Variants in KSR2 observed in about 807,000 individuals in gnomAD.
KSR2 encodes kinase suppressor of ras 2.
KSR2 carries 25 observed loss-of-function variants against 107.8 expected under a neutral mutation model. The ratio of observed to expected loss-of-function variants is 0.23; its 90% CI spans 0.17 to 0.32. KSR2 has a LOEUF of 0.32. Among genes scored for constraint, KSR2 ranks in the 10% least tolerant of loss-of-function variants. The pLI is 1.00. For synonymous variants in KSR2, 480 were observed against 507.0 expected (o/e 0.95, Z 0.71); for missense variants, 887 against 1,268.9 (o/e 0.70, Z 4.57).
intron 3 of KSR2, among the ~76,000 whole-genome samples, chr12:117,805,756 C>A (rs1890987738): frequency 6.6e-6 from 1 of 152,132 alleles, no homozygotes; most frequent in Non-Finnish European, 1.5e-5. Flanking sequence ...CCAAGGCGGG[C>A]AGATCACTTG....
At chr12:117,655,001 C>A (rs890890848) in intron 5 of KSR2, among the ~76,000 whole-genome samples, 15 of 152,184 alleles carry the variant, frequency 9.9e-5, no homozygotes, top group Non-Finnish European at 2.2e-4. Context: ...CTGCTGAGTG[C>A]CCAATTTGCC....
Position 117,855,480 on chromosome 12 carries a change from C to T in KSR2, c.420G>A (p.Glu140=), listed in dbSNP as rs1489166632. 1.2e-6 allele frequency: 2 copies of T among 1,614,054 alleles called. No individual in the cohort carries two copies. Among genetic ancestry groups the T allele is most frequent in the East Asian group, 4.5e-5 (2 of 44,874 alleles). Residue 140 remains glutamate, a synonymous_variant, in exon 3 of 20, where the codon GAG becomes GAA. Coordinates refer to ENST00000339824, the MANE Select transcript of KSR2 (RefSeq NM_173598.6). ...AGAGGGAGGCGTTGAGGCGGGCACA[C>T]TCCTCCCGGTTGGCTCCGTATTTCT... ...TVEKYGANRE[E]CARLNASLSC... is the part of the protein sequence containing the mutation.
At chr12:117,475,454 T>G (rs1490809430) in intron 17 of KSR2, among the ~76,000 whole-genome samples, 2 of 152,180 alleles carry the variant, frequency 1.3e-5, no homozygotes, top group African/African-American at 2.4e-5. Context: ...TTGCACAGTC[T>G]TTTGATCTGG....
At chr12:117,625,167 C>T (rs1207371071) in intron 5 of KSR2, among the ~76,000 whole-genome samples, 1 of 152,124 alleles carries the variant, frequency 6.6e-6, no homozygotes, top group African/African-American at 2.4e-5. Context: ...ATTTGACTTC[C>T]TCATTTCCTA....
chr12:117,655,351 T>A (rs1250402412), intron 5 of KSR2, among the ~76,000 whole-genome samples: 2 of 152,190 alleles, frequency 1.3e-5, no homozygotes, highest in African/African-American at 2.4e-5. Flanking sequence ...ATGTTCCCCA[T>A]CATCCTGAAG....
At chr12:117,631,435 G>A (rs1340653905) in intron 5 of KSR2, among the ~76,000 whole-genome samples, 2 of 152,168 alleles carry the variant, frequency 1.3e-5, no homozygotes, top group Non-Finnish European at 2.9e-5. Flanking sequence ...TTCTGTGCTT[G>A]AAAAATATCT....
At chr12:117,908,926 C>T (rs888412828) in intron 1 of KSR2, among the ~76,000 whole-genome samples, 5 of 152,008 alleles carry the variant, frequency 3.3e-5, no homozygotes, top group Admixed American at 2.6e-4. Context: ...GTATTGAAAC[C>T]GAAAGTGAGC....
chr12:117,517,701 A>T, intron 14 of KSR2: 2 of 393,990 alleles, frequency 5.1e-6, no homozygotes, highest in Non-Finnish European at 9.9e-6. Flanking sequence ...AGCCACAGAC[A>T]AAAAACCTTT....
At chr12:117,478,420 A>AT (rs59956561) in intron 16 of KSR2, among the ~76,000 whole-genome samples, 1,994 of 144,148 alleles carry the variant, frequency 0.014, 40 homozygotes, top group African/African-American at 0.044. Flanking sequence ...TAAACTTTTC[A>AT]TTTTTTTTTT....
Position 117,607,438 on chromosome 12 carries a change from C to T in KSR2, c.1172-25079G>A, listed in dbSNP as rs939017610. Among the ~76,000 whole-genome samples the T allele has an allele frequency of 3.9e-5, 6 of 152,262 alleles. No individual in the cohort carries two copies. The South Asian group carries it at 1.0e-3, about 26-fold the overall frequency. On this transcript the variant is annotated intron_variant, in intron 5 of 19. Coordinates refer to ENST00000339824, the MANE Select transcript of KSR2 (RefSeq NM_173598.6). ...GTAGGAGGCAAAGCCAGAACTGAAC[C>T]CAAACTGGGCAGCCTCCGAACTGCC...
chr12:117,663,235 G>A (rs944819435), intron 5 of KSR2, among the ~76,000 whole-genome samples: 4 of 152,210 alleles, frequency 2.6e-5, no homozygotes. Context: ...ACCGAGCACT[G>A]CAGAGTGGAG....
intron 16 of KSR2, among the ~76,000 whole-genome samples, chr12:117,477,346 C>T (rs900621546): frequency 6.6e-6 from 1 of 152,194 alleles, no homozygotes; most frequent in Admixed American, 6.5e-5. Flanking sequence ...TGGGGGATTA[C>T]AAATACATTT....
chr12:117,628,218 T>C (rs1172081813), intron 5 of KSR2, among the ~76,000 whole-genome samples: 2 of 152,204 alleles, frequency 1.3e-5, no homozygotes, highest in Non-Finnish European at 2.9e-5. Flanking sequence ...AAAGTCATTC[T>C]CTGTCCAGCT....
intron 15 of KSR2, 54 bp from the exon 16 acceptor site, chr12:117,484,603 C>A: frequency 6.3e-7 from 1 of 1,591,390 alleles, no homozygotes. Flanking sequence ...GAGCTTGCTG[C>A]CACCCTGGCT....
intron 13 of KSR2, among the ~76,000 whole-genome samples, chr12:117,526,187 T>C (rs1336851311): frequency 6.6e-6 from 1 of 152,194 alleles, no homozygotes; most frequent in Non-Finnish European, 1.5e-5. Context: ...TCTGCATTTT[T>C]ATCATGCACA....
intron 4 of KSR2, among the ~76,000 whole-genome samples, chr12:117,706,617 C>A (rs1008637273): frequency 5.3e-5 from 8 of 152,084 alleles, no homozygotes; most frequent in Non-Finnish European, 4.4e-5. Flanking sequence ...TCACTGCAAA[C>A]AGACATGAGA....
At chr12:117,828,530 G>GT (rs1891839533) in intron 3 of KSR2, among the ~76,000 whole-genome samples, 1 of 152,308 alleles carries the variant, frequency 6.6e-6, no homozygotes, top group Non-Finnish European at 1.5e-5. Context: ...CCTAAGAAGT[G>GT]TGTGTTATAA....
chr12:117,736,376 C>A (rs585940), intron 4 of KSR2, among the ~76,000 whole-genome samples: 29,746 of 152,028 alleles, frequency 0.2, 3,587 homozygotes, highest in South Asian at 0.29. Context: ...CCTCTTCTGG[C>A]AAGAGCCTGC....
At chr12:117,476,618 G>A (rs772407820) in intron 16 of KSR2, 23 bp from the exon 17 acceptor site, 8 of 1,602,422 alleles carry the variant, frequency 5.0e-6, no homozygotes, top group Non-Finnish European at 6.8e-6. Context: ...AGCACAGGAT[G>A]AGCTCTGTTT....
Sources: gnomAD v4.1 joint callset for allele counts (sites outside exome capture counted in the v4.1 genomes callset) on GRCh38, gnomAD v4.1.1 for gene constraint, MANE v1.5 for transcripts, NCBI Gene and HGNC (gene_info 2026-07-23, HGNC 2026-07-21) for gene names.